BCAR3: variants seen among roughly 807,000 people sequenced by gnomAD.
The protein encoded by BCAR3 is breast cancer anti-estrogen resistance protein 3.
BCAR3 carries 37 observed loss-of-function variants against 80.1 expected under a neutral mutation model. The observed-to-expected ratio is 0.46, with a 90% CI of 0.36 to 0.61. The LOEUF (loss-of-function observed/expected upper bound fraction) is 0.61, where lower values mean the gene tolerates loss of function less well. BCAR3 is among the 20% of genes least tolerant of loss of function. The pLI, the probability that BCAR3 is intolerant of heterozygous loss-of-function variation, is 0.00. For synonymous variants in BCAR3, 389 were observed against 418.9 expected (o/e 0.93, Z 0.87); for missense variants, 978 against 1,068.2 (o/e 0.92, Z 1.18).
chr1:93,751,740 A>G (rs1651564800), intron 2 of BCAR3, among the ~76,000 whole-genome samples: 1 of 152,158 alleles, frequency 6.6e-6, no homozygotes, highest in Non-Finnish European at 1.5e-5. Context: ...GTGACAAATT[A>G]TCTAGAAGAT....
intron 2 of BCAR3, among the ~76,000 whole-genome samples, chr1:93,663,935 T>A (rs777380149): frequency 1.3e-5 from 2 of 152,158 alleles, no homozygotes; most frequent in Non-Finnish European, 2.9e-5. Context: ...CTGAACTGTG[T>A]TTCTCTTTTT....
chr1:93,590,834 C>T (rs1674141943), intron 4 of BCAR3, among the ~76,000 whole-genome samples: 1 of 152,174 alleles, frequency 6.6e-6, no homozygotes, highest in Non-Finnish European at 1.5e-5. Flanking sequence ...AATTGTAGTG[C>T]ATGCATACCG....
chr1:93,620,687 G>A lies in BCAR3; in HGVS notation c.357+21617C>T, dbSNP rs1675278985. Among the ~76,000 whole-genome samples the A allele has an allele frequency of 2.0e-5, 3 of 152,078 alleles. No homozygotes were observed. In the South Asian group the frequency reaches 6.2e-4, roughly 32 times the overall value. On this transcript the variant is annotated intron_variant, in intron 3 of 11. Transcript: ENST00000260502. ...GCCCTGGCCCTGCAATTCAGCCCTG[G>A]GAACAGATCTTCCACATGTGTTTAG...
At chr1:93,811,867 T>C (rs865931548) in intron 2 of BCAR3, among the ~76,000 whole-genome samples, 24 of 152,340 alleles carry the variant, frequency 1.6e-4, no homozygotes, top group Middle Eastern at 3.4e-3. Context: ...ACAAGCTAGT[T>C]GACATCATGT....
chr1:93,733,503 A>G (rs966447552), intron 2 of BCAR3, among the ~76,000 whole-genome samples: 3 of 152,160 alleles, frequency 2.0e-5, no homozygotes, highest in Non-Finnish European at 4.4e-5. Flanking sequence ...ATCCCCCAGG[A>G]CTTGATTGGG....
intron 4 of BCAR3, 126 bp from the exon 5 acceptor site, chr1:93,589,545 CT>C: frequency 1.2e-6 from 1 of 834,252 alleles, no homozygotes; most frequent in Non-Finnish European, 1.8e-6. Flanking sequence ...TGGGTCAGCT[CT>C]TTAGTTTTTC....
Position 93,813,657 on chromosome 1 carries a change from C to A in BCAR3, c.-63+31910G>T, listed in dbSNP as rs193191520. ...AAAGCTAGTTGGAAACATTGTACCC[C>A]TTTACCCCTTAATATTTCGGGATCA... On this transcript the variant is annotated intron_variant, in intron 2 of 13. Coordinates refer to the BCAR3 transcript ENST00000370244. Among the ~76,000 whole-genome samples, 44 of 152,324 alleles carry A rather than the reference C, an allele frequency of 2.9e-4. No individual in the cohort carries two copies. In the South Asian group the frequency reaches 5.2e-3, roughly 18 times the overall value.
chr1:93,610,265 A>T (rs1476326546), intron 3 of BCAR3, among the ~76,000 whole-genome samples: 2 of 152,190 alleles, frequency 1.3e-5, no homozygotes, highest in African/African-American at 4.8e-5. Flanking sequence ...TTCTCTGACC[A>T]TGTCACACAC....
At chr1:93,733,759 T>C (rs966129359) in intron 2 of BCAR3, among the ~76,000 whole-genome samples, 7 of 152,254 alleles carry the variant, frequency 4.6e-5, no homozygotes, top group African/African-American at 1.2e-4. Flanking sequence ...TGTGTGTGTG[T>C]GCATGCATCT....
rs1161418822 is a variant in BCAR3 at position 93,843,289 on chromosome 1, G to A, written c.-63+2278C>T. Among the ~76,000 whole-genome samples the A allele has an allele frequency of 3.3e-5, 5 of 152,256 alleles. No individual in the cohort carries two copies. In the South Asian group the frequency reaches 8.3e-4, roughly 25 times the overall value. On this transcript the variant is annotated intron_variant, in intron 2 of 13. Transcript: ENST00000370244. ...TAGGGAGCTGCAGAATGTCCCTCCG[G>A]TTGCAACAAATTTAGCTGATGCTGT... is the stretch of plus-strand genomic sequence containing the variant.
At chr1:93,583,591 G>T (rs55925711) in intron 6 of BCAR3, among the ~76,000 whole-genome samples, 2,459 of 152,192 alleles carry the variant, frequency 0.016, 64 homozygotes, top group African/African-American at 0.056. Flanking sequence ...GAGAGGAAGG[G>T]GAGTTGGCCT....
rs1438697062 is a variant in BCAR3, at chr1:93,584,008, C to CG, written c.1033+9dup. ...ACTGACGTTCTCCCTGAAAATTCCC[C>CG]GAAACATACCAATCGGCAGGTAGCT... On this transcript the variant is annotated intron_variant, in intron 6 of 11. Transcript: ENST00000260502. 1.9e-6 allele frequency: 3 copies of CG among 1,612,828 alleles called. No homozygotes were observed. Among genetic ancestry groups the CG allele is most frequent in the Non-Finnish European group, 2.5e-6 (3 of 1,179,116 alleles).
intron 2 of BCAR3, among the ~76,000 whole-genome samples, chr1:93,748,855 G>A (rs1023919814): frequency 6.6e-6 from 1 of 152,118 alleles, no homozygotes; most frequent in Non-Finnish European, 1.5e-5. Context: ...GCTAGATTGG[G>A]GTACATGGGA....
intron 2 of BCAR3, among the ~76,000 whole-genome samples, chr1:93,808,629 G>C (rs1450393271): frequency 6.6e-6 from 1 of 152,034 alleles, no homozygotes; most frequent in Non-Finnish European, 1.5e-5. Context: ...GAGGAAACAA[G>C]AGAAGGAAGA....
In BCAR3 at chr1:93,571,742, C is replaced by A; in HGVS notation, c.1902G>T (p.Ala634=). The A allele has an allele frequency of 1.9e-6, 3 of 1,614,132 alleles. No individual in the cohort carries two copies. The highest frequency in any genetic ancestry group is 2.2e-5 in the South Asian group (2 of 91,068). The change falls in exon 9 of 12, where the codon GCG becomes GCT. Residue 634 remains alanine (A), a synonymous_variant. Coordinates refer to ENST00000260502, the MANE Select transcript of BCAR3 (RefSeq NM_003567.4). The stretch of plus-strand genomic sequence containing the variant: ...CCCCCATGGAATCCTTCAGTTCCAC[C>A]GCCACCTGGATGATCTTACTCAGAG... ...AATLSKIIQV[A]VELKDSMGDL...
chr1:93,784,239 G>A (rs1350976241), intron 2 of BCAR3, among the ~76,000 whole-genome samples: 1 of 151,892 alleles, frequency 6.6e-6, no homozygotes, highest in Non-Finnish European at 1.5e-5. Context: ...TAAATTTTGG[G>A]GCATTTTGTT....
At chr1:93,600,337 A>C (rs962673111) in intron 3 of BCAR3, among the ~76,000 whole-genome samples, 8 of 152,210 alleles carry the variant, frequency 5.3e-5, no homozygotes, top group Non-Finnish European at 8.8e-5. Flanking sequence ...TAGGAGGCCC[A>C]GATCATGAGA....
At chr1:93,826,616 G>C (rs61782410) in intron 2 of BCAR3, among the ~76,000 whole-genome samples, 9,831 of 152,254 alleles carry the variant, frequency 0.065, 369 homozygotes, top group South Asian at 0.093. Flanking sequence ...TCCAGTGAGG[G>C]AGAAGACTTA....
chr1:93,636,555 A>AAAC (rs937483194), intron 3 of BCAR3, among the ~76,000 whole-genome samples: 1 of 152,164 alleles, frequency 6.6e-6, no homozygotes, highest in African/African-American at 2.4e-5. Context: ...CTAATTTGAA[A>AAAC]AAAAAAAACA....
Sources: allele counts gnomAD v4.1 joint callset (sites outside exome capture counted in the v4.1 genomes callset), GRCh38; gene constraint gnomAD v4.1.1; transcripts MANE v1.5; gene names NCBI Gene and HGNC (gene_info 2026-07-23, HGNC 2026-07-21).